Variants in SYN2 observed in about 807,000 individuals in gnomAD.
SYN2 encodes the protein synapsin-2.
A neutral mutation model predicts 50.9 loss-of-function variants in SYN2; 19 were observed. That is an observed-to-expected ratio of 0.37 (90% CI 0.26 to 0.55). SYN2 has a LOEUF of 0.55. Ranked by LOEUF, SYN2 falls within the 20% of genes least tolerant of loss-of-function variation. SYN2 has a pLI of 0.81. For missense variants in SYN2, 587 were observed against 576.4 expected (o/e 1.02, Z -0.19); for synonymous variants, 255 against 224.9 (o/e 1.13, Z -1.20).
intron 1 of SYN2, among the ~76,000 whole-genome samples, chr3:12,104,818 C>G (rs562251913): frequency 6.4e-4 from 98 of 152,202 alleles, no homozygotes; most frequent in Non-Finnish European, 7.9e-4. Context: ...ATCTACCCGC[C>G]TTGGCCTCCG....
chr3:12,140,214 A>G lies in SYN2; in HGVS notation c.378-437A>G, dbSNP rs966908721. Among the ~76,000 whole-genome samples the G allele has an allele frequency of 9.8e-5, 15 of 152,356 alleles. 1 individual carries two copies. Among genetic ancestry groups the G allele is most frequent in the Admixed American group, 6.5e-4 (10 of 15,310 alleles). ...CCTCTTTGTATGGGTATGAAGAAGT[A>G]AAGTGATAATAACAGTTTCTTTAAA... On this transcript the variant is annotated intron_variant, in intron 1 of 12. Coordinates refer to ENST00000621198, the MANE Select transcript of SYN2 (RefSeq NM_133625.6).
chr3:12,154,492 T>C (rs1697398889), intron 5 of SYN2: 1 of 1,607,648 alleles, frequency 6.2e-7, no homozygotes, highest in Non-Finnish European at 8.5e-7. Flanking sequence ...TCAGGATTCT[T>C]CTCCTGGAGC....
intron 1 of SYN2, among the ~76,000 whole-genome samples, chr3:12,118,591 T>G (rs1696485257): frequency 6.6e-6 from 1 of 152,228 alleles, no homozygotes; most frequent in Admixed American, 6.5e-5. Context: ...CTTCATAGAC[T>G]TTGTCTGCCC....
intron 1 of SYN2, among the ~76,000 whole-genome samples, chr3:12,055,851 G>A (rs1694977525): frequency 6.6e-6 from 1 of 152,296 alleles, no homozygotes; most frequent in East Asian, 1.9e-4. Context: ...AACTCCCATT[G>A]AATTAATGCA....
chr3:12,104,570 C>CTTTTTTTTTTT (rs796837275), intron 1 of SYN2, among the ~76,000 whole-genome samples: 1,456 of 81,564 alleles, frequency 0.018, 16 homozygotes, highest in East Asian at 0.023. Context: ...CTTTTCTTTT[C>CTTTTTTTTTTT]TTTTTTTTTT....
chr3:12,047,951 C>T (rs1226102515), intron 1 of SYN2, among the ~76,000 whole-genome samples: 2 of 152,142 alleles, frequency 1.3e-5, no homozygotes, highest in Non-Finnish European at 2.9e-5. Context: ...TATGAGAGTA[C>T]TTTGGTTTCC....
intron 1 of SYN2, among the ~76,000 whole-genome samples, chr3:12,136,637 T>C (rs1458185493): frequency 6.6e-6 from 1 of 152,152 alleles, no homozygotes. Context: ...AAGCCCTAGT[T>C]GTTAGGTGGA....
chr3:12,059,818 T>C (rs1271501694), intron 1 of SYN2, among the ~76,000 whole-genome samples: 3 of 152,142 alleles, frequency 2.0e-5, no homozygotes, highest in Non-Finnish European at 2.9e-5. Context: ...CAGGCTCCTC[T>C]AAAGGGGGTC....
At chr3:12,006,114 C>T (rs957180008) in intron 1 of SYN2, among the ~76,000 whole-genome samples, 1 of 151,976 alleles carries the variant, frequency 6.6e-6, no homozygotes, top group Non-Finnish European at 1.5e-5. Flanking sequence ...TTGGCTGCTT[C>T]ACTGCTTTCT....
intron 1 of SYN2, among the ~76,000 whole-genome samples, chr3:12,044,183 A>T (rs410515): frequency 0.46 from 22,265 of 48,826 alleles, 2,849 homozygotes; most frequent in African/African-American, 0.58. Flanking sequence ...TCTCTCTCTC[A>T]CACACACACA....
intron 1 of SYN2, among the ~76,000 whole-genome samples, chr3:12,025,535 C>T (rs1424091314): frequency 2.0e-5 from 3 of 152,110 alleles, no homozygotes; most frequent in South Asian, 2.1e-4. Flanking sequence ...AGAAAACTGA[C>T]GCTACAGGTT....
At chr3:12,064,447 A>G (rs1221072211) in intron 1 of SYN2, among the ~76,000 whole-genome samples, 1 of 152,134 alleles carries the variant, frequency 6.6e-6, no homozygotes, top group African/African-American at 2.4e-5. Flanking sequence ...TATAAATACA[A>G]TGAATTCACA....
chr3:12,105,003 A>C (rs537062366), intron 1 of SYN2, among the ~76,000 whole-genome samples: 1 of 152,324 alleles, frequency 6.6e-6, no homozygotes, highest in East Asian at 1.9e-4. Context: ...TGAGCACAAT[A>C]CATGTAATCA....
chr3:12,027,973 T>C lies in SYN2; in HGVS notation c.377+23045T>C, dbSNP rs535364329. On this transcript the variant is annotated intron_variant, in intron 1 of 12. Transcript: ENST00000621198. ...ATTCTTTTTTTTTTTTTTACTGTGC[T>C]CTACTTCTTTTTTTTATTTTTTTAT... 2.3e-4 allele frequency among the ~76,000 whole-genome samples: 34 copies of C among 147,824 alleles called. No homozygotes were observed. The South Asian group carries it at 6.5e-3, about 28-fold the overall frequency.
Position 12,190,885 on chromosome 3 carries a change from A to G in SYN2, c.*260A>G. The G allele has an allele frequency of 8.1e-7, 1 of 1,229,790 alleles. No individual in the cohort carries two copies. The highest frequency in any genetic ancestry group is 2.3e-5 in the South Asian group (1 of 43,134). 76.2% of individuals were successfully genotyped at this position (1,229,790 alleles called of 1,614,324 possible). The stretch of plus-strand genomic sequence containing the variant: ...TGTAGTCATGAGAGCTTCCTTCTGA[A>G]GTCATCGTTCGCTGTGAGTTTAGTG... On this transcript the variant is annotated 3_prime_UTR_variant, in exon 13 of 13. Coordinates refer to ENST00000621198, the MANE Select transcript of SYN2 (RefSeq NM_133625.6).
rs539252515 is a variant in SYN2, at chr3:12,078,887, C to T, written c.378-61764C>T. Among the ~76,000 whole-genome samples, 10 of 152,226 alleles carry T rather than the reference C, an allele frequency of 6.6e-5. No homozygotes were observed. In the South Asian group the frequency reaches 1.9e-3, roughly 28 times the overall value. On this transcript the variant is annotated intron_variant, in intron 1 of 12. Coordinates refer to ENST00000621198, the MANE Select transcript of SYN2 (RefSeq NM_133625.6). ...GGAATAGCATTGAATCTATAAATTA[C>T]TTTGGGGAGTATGGCTATTTTCACC... is the stretch of plus-strand genomic sequence containing the variant.
At chr3:12,155,353 A>G (rs557716778) in intron 5 of SYN2, among the ~76,000 whole-genome samples, 3 of 152,384 alleles carry the variant, frequency 2.0e-5, no homozygotes, top group Admixed American at 2.0e-4. Flanking sequence ...AATTATTTCC[A>G]TCTATGGAAG....
In SYN2 at chr3:12,162,004, A is replaced by G; in HGVS notation, c.838-8A>G. ...CCTTTCCCCCTTTCTGCCCTGCTCT[A>G]ACATTAGGTCAAAGTGGAAAACCAC... On this transcript the variant is annotated splice_polypyrimidine_tract_variant and splice_region_variant and intron_variant, in intron 6 of 12. Coordinates refer to ENST00000621198, the MANE Select transcript of SYN2 (RefSeq NM_133625.6). 1.9e-6 allele frequency: 3 copies of G among 1,613,910 alleles called. No individual in the cohort carries two copies. Among genetic ancestry groups the G allele is most frequent in the Non-Finnish European group, 2.5e-6 (3 of 1,179,858 alleles).
chr3:12,072,446 A>G (rs532849931), intron 1 of SYN2, among the ~76,000 whole-genome samples: 1 of 152,318 alleles, frequency 6.6e-6, no homozygotes, highest in South Asian at 2.1e-4. Context: ...TCAGAATTTT[A>G]TAGATTTAGC....
Sources: gnomAD v4.1 joint callset for allele counts (sites outside exome capture counted in the v4.1 genomes callset) on GRCh38, gnomAD v4.1.1 for gene constraint, MANE v1.5 for transcripts, NCBI Gene and HGNC (gene_info 2026-07-23, HGNC 2026-07-21) for gene names.